Variants in PLCL1 observed in about 807,000 individuals in gnomAD.
The protein encoded by PLCL1 is phospholipase C like 1 (inactive).
PLCL1 carries 41 observed loss-of-function variants against 84.4 expected under a neutral mutation model. The observed-to-expected ratio is 0.49, with a 90% CI of 0.38 to 0.63. The LOEUF (loss-of-function observed/expected upper bound fraction) is 0.63, where lower values mean the gene tolerates loss of function less well. Ranked by LOEUF, PLCL1 falls within the 30% of genes least tolerant of loss-of-function variation. The pLI, the probability that PLCL1 is intolerant of heterozygous loss-of-function variation, is 0.00. For synonymous variants in PLCL1, 490 were observed against 488.3 expected, an observed-to-expected ratio of 1.00 and a Z score of -0.05; for missense variants, 1,206 against 1,367.8, an observed-to-expected ratio of 0.88 and a Z score of 1.87.
chr2:197,881,923 A>G (rs966580456), intron 1 of PLCL1, among the ~76,000 whole-genome samples: 1 of 151,990 alleles, frequency 6.6e-6, no homozygotes, highest in African/African-American at 2.4e-5. Flanking sequence ...GATACTTGTT[A>G]TTTAATCTGT....
intron 3 of PLCL1, among the ~76,000 whole-genome samples, chr2:198,100,728 G>A (rs1021054778): frequency 1.3e-5 from 2 of 152,084 alleles, no homozygotes; most frequent in African/African-American, 2.4e-5. Context: ...TGGTAGCTGA[G>A]TGGGACTTCA....
intron 1 of PLCL1, among the ~76,000 whole-genome samples, chr2:198,080,411 G>A (rs1443417644): frequency 6.6e-6 from 1 of 152,112 alleles, no homozygotes; most frequent in South Asian, 2.1e-4. Flanking sequence ...CCATCAATCT[G>A]CCAAGATCTT....
intron 1 of PLCL1, among the ~76,000 whole-genome samples, chr2:198,057,183 A>G (rs1692089458): frequency 6.6e-6 from 1 of 152,174 alleles, no homozygotes; most frequent in Admixed American, 6.5e-5. Context: ...GTTCTAAATT[A>G]GAGTCCTCGA....
rs1005120936 is a variant in PLCL1, at chr2:198,084,238, T to C, written c.721T>C (p.Phe241Leu). The change falls in exon 2 of 6, where the codon TTC becomes CTC. Residue 241 changes from phenylalanine (F) to leucine (L), a missense_variant. Physicochemically the swap from Phe to Leu is conservative, Grantham distance 22. Transcript: ENST00000428675. Reference sequence around the variant, plus strand: ...GGAGGGCAACCAGAACACACCACGGTTCATGTGGTTGAAAACAGTGTTTGA... The same window carrying C: ...GGAGGGCAACCAGAACACACCACGGCTCATGTGGTTGAAAACAGTGTTTGA... Reference protein sequence around the residue: ...FMEGNQNTPRFMWLKTVFEAA... With the variant: ...FMEGNQNTPRLMWLKTVFEAA... The C allele has an allele frequency of 1.6e-5, 26 of 1,613,912 alleles. No homozygotes were observed. Among genetic ancestry groups the C allele is most frequent in the Non-Finnish European group, 2.2e-5 (26 of 1,179,972 alleles).
At chr2:197,934,059 C>T (rs1477013192) in intron 1 of PLCL1, among the ~76,000 whole-genome samples, 7 of 152,124 alleles carry the variant, frequency 4.6e-5, no homozygotes, top group African/African-American at 1.7e-4. Flanking sequence ...GCATCTCATC[C>T]AATTAGAGTT....
chr2:197,951,454 G>A lies in PLCL1; in HGVS notation c.241-132304G>A, dbSNP rs138741585. On this transcript the variant is annotated intron_variant, in intron 1 of 5. Coordinates refer to ENST00000428675, the MANE Select transcript of PLCL1 (RefSeq NM_006226.4). ...GGCTCTTCCCCTGAAATTTTCAAGCGTATTAGAAAAGAGTCAGTTCCTTTG... is the reference window on the plus strand; with the variant it reads ...GGCTCTTCCCCTGAAATTTTCAAGCATATTAGAAAAGAGTCAGTTCCTTTG... 1.9e-4 allele frequency among the ~76,000 whole-genome samples: 29 copies of A among 152,178 alleles called. No homozygotes were observed. The East Asian group carries it at 3.3e-3, about 17-fold the overall frequency.
chr2:198,055,774 A>G (rs1692056359), intron 1 of PLCL1, among the ~76,000 whole-genome samples: 1 of 152,190 alleles, frequency 6.6e-6, no homozygotes, highest in Non-Finnish European at 1.5e-5. Context: ...TTCCTTTTAA[A>G]TAAATGATGA....
intron 1 of PLCL1, among the ~76,000 whole-genome samples, chr2:197,877,399 TA>T (rs894327688): frequency 2.6e-5 from 4 of 152,048 alleles, no homozygotes; most frequent in African/African-American, 4.8e-5. Flanking sequence ...ATTATACCAT[TA>T]AAAAAATTTG....
chr2:197,871,477 T>C (rs1687651070), intron 1 of PLCL1, among the ~76,000 whole-genome samples: 1 of 152,126 alleles, frequency 6.6e-6, no homozygotes, highest in Non-Finnish European at 1.5e-5. Context: ...GGGAGTGCCT[T>C]AGTTTCCTAG....
intron 1 of PLCL1, among the ~76,000 whole-genome samples, chr2:197,962,712 C>G (rs909469817): frequency 1.3e-5 from 2 of 151,846 alleles, no homozygotes; most frequent in Admixed American, 1.3e-4. Flanking sequence ...GATTTTGTAC[C>G]CATTAATCAT....
chr2:198,044,066 T>C (rs918377099), intron 1 of PLCL1, among the ~76,000 whole-genome samples: 1 of 152,084 alleles, frequency 6.6e-6, no homozygotes, highest in African/African-American at 2.4e-5. Context: ...TTACACAACA[T>C]ATTTTCAGTA....
intron 1 of PLCL1, among the ~76,000 whole-genome samples, chr2:197,961,509 AG>A (rs1211612946): frequency 5.9e-5 from 9 of 152,016 alleles, no homozygotes; most frequent in African/African-American, 2.2e-4. Flanking sequence ...TTGAAATCAT[AG>A]AAAGAGAACT....
intron 1 of PLCL1, among the ~76,000 whole-genome samples, chr2:197,911,188 A>T (rs1688477583): frequency 6.6e-6 from 1 of 152,036 alleles, no homozygotes; most frequent in South Asian, 2.1e-4. Context: ...ACAAAAATAC[A>T]AAAATTAGCT....
intron 3 of PLCL1, 76 bp from the exon 4 acceptor site, chr2:198,101,209 T>A: frequency 1.2e-6 from 1 of 825,860 alleles, no homozygotes; most frequent in Non-Finnish European, 2.1e-6. Context: ...CATGTGGGTC[T>A]CTCTGTATGT....
At chr2:197,872,942 T>C (rs1012309284) in intron 1 of PLCL1, among the ~76,000 whole-genome samples, 12 of 152,144 alleles carry the variant, frequency 7.9e-5, no homozygotes, top group Admixed American at 3.3e-4. Flanking sequence ...TTGATCATCA[T>C]GGCATGCTAA....
chr2:198,069,423 C>T (rs779855747), intron 1 of PLCL1, among the ~76,000 whole-genome samples: 14 of 151,954 alleles, frequency 9.2e-5, no homozygotes, highest in East Asian at 1.9e-4. Flanking sequence ...CAGGATTTCA[C>T]GGCTGCAGTA....
chr2:197,930,267 T>A (rs937804471), intron 1 of PLCL1, among the ~76,000 whole-genome samples: 1 of 152,222 alleles, frequency 6.6e-6, no homozygotes, highest in Non-Finnish European at 1.5e-5. Context: ...TCAAGGAGAA[T>A]CTTTAATTAC....
chr2:197,848,463 T>C (rs1687162284), intron 1 of PLCL1, among the ~76,000 whole-genome samples: 1 of 152,188 alleles, frequency 6.6e-6, no homozygotes, highest in Non-Finnish European at 1.5e-5. Context: ...AGAGTTTTTC[T>C]TGTTGATTTG....
intron 1 of PLCL1, among the ~76,000 whole-genome samples, chr2:197,825,469 C>T (rs1287438278): frequency 6.6e-6 from 1 of 152,168 alleles, no homozygotes; most frequent in Non-Finnish European, 1.5e-5. Flanking sequence ...ACAGTGTCTC[C>T]TACCAATTCC....
Sources: allele counts gnomAD v4.1 joint callset (sites outside exome capture counted in the v4.1 genomes callset), GRCh38; gene constraint gnomAD v4.1.1; transcripts MANE v1.5; gene names NCBI Gene and HGNC (gene_info 2026-07-23, HGNC 2026-07-21).